Variants in SLC2A9 observed in about 807,000 individuals in gnomAD.
SLC2A9 encodes the protein solute carrier family 2 member 9.
A neutral mutation model predicts 50.6 loss-of-function variants in SLC2A9; 39 were observed. That is an observed-to-expected ratio of 0.77 (90% CI 0.60 to 1.01). SLC2A9 has a LOEUF of 1.01. SLC2A9 is among the 50% of genes least tolerant of loss of function. The pLI is 0.00. For synonymous variants in SLC2A9, 324 were observed against 276.9 expected (o/e 1.17, Z -1.69); for missense variants, 686 against 677.6 (o/e 1.01, Z -0.14).
chr4:9,818,361 A>G (rs1373241584), intron 3 of SLC2A9, among the ~76,000 whole-genome samples: 2 of 152,238 alleles, frequency 1.3e-5, no homozygotes, highest in African/African-American at 4.8e-5. Context: ...GTATTGTCGA[A>G]GAAAAATTTC....
chr4:9,841,428 CT>C (rs760725904), intron 10 of SLC2A9, among the ~76,000 whole-genome samples: 2 of 152,084 alleles, frequency 1.3e-5, no homozygotes, highest in Non-Finnish European at 2.9e-5. Flanking sequence ...GGCTCTTTCC[CT>C]GTGCATTGTC....
At chr4:9,878,082 T>C (rs572990596) in intron 10 of SLC2A9, among the ~76,000 whole-genome samples, 90 of 152,238 alleles carry the variant, frequency 5.9e-4, no homozygotes, top group Non-Finnish European at 9.6e-4. Context: ...AGACACTGTC[T>C]TGCTCATCCT....
intron 6 of SLC2A9, among the ~76,000 whole-genome samples, chr4:9,922,137 A>C (rs1233570149): frequency 6.6e-6 from 1 of 152,102 alleles, no homozygotes; most frequent in Non-Finnish European, 1.5e-5. Flanking sequence ...CATTTTCTTT[A>C]TCCAGTCTAT....
intron 3 of SLC2A9, among the ~76,000 whole-genome samples, chr4:9,790,322 C>A (rs912161084): frequency 1.3e-4 from 20 of 152,306 alleles, no homozygotes; most frequent in African/African-American, 4.8e-4. Context: ...CTTCCAATGG[C>A]CCTTTCCAAT....
intron 2 of SLC2A9, chr4:10,009,480 A>G (rs1761388863): frequency 6.6e-6 from 1 of 152,226 alleles, no homozygotes; most frequent in South Asian, 2.1e-4. Flanking sequence ...GCCTTTAGGG[A>G]AGGAGCAGAC....
At chr4:10,035,284 G>A (rs1764063419) in intron 1 of SLC2A9, 1 of 152,176 alleles carries the variant, frequency 6.6e-6, no homozygotes, top group South Asian at 2.1e-4. Flanking sequence ...CAACAGAAGT[G>A]GAGCGAAGTC....
chr4:9,824,588 C>T (rs2109064827), downstream of SLC2A9, among the ~76,000 whole-genome samples: 1 of 152,270 alleles, frequency 6.6e-6, no homozygotes, highest in East Asian at 1.9e-4. Context: ...CTATAAAGTA[C>T]AGTACTGATG....
chr4:9,851,486 T>C (rs1729913652), intron 10 of SLC2A9, among the ~76,000 whole-genome samples: 1 of 152,150 alleles, frequency 6.6e-6, no homozygotes, highest in African/African-American at 2.4e-5. Flanking sequence ...AAAGAACCAG[T>C]GCAAGAACTC....
At chr4:9,999,885 T>C (rs1044871987) in intron 2 of SLC2A9, among the ~76,000 whole-genome samples, 14 of 152,086 alleles carry the variant, frequency 9.2e-5, no homozygotes, top group Admixed American at 7.9e-4. Flanking sequence ...GCAATGGAAA[T>C]GGACAGAAGT....
intron 10 of SLC2A9, among the ~76,000 whole-genome samples, chr4:9,851,454 A>T (rs1729907052): frequency 6.6e-6 from 1 of 152,214 alleles, no homozygotes; most frequent in Non-Finnish European, 1.5e-5. Flanking sequence ...AGATTGTAGG[A>T]TCATCAGTCA....
chr4:9,974,534 A>T (rs1348448496), intron 5 of SLC2A9, among the ~76,000 whole-genome samples: 1 of 150,824 alleles, frequency 6.6e-6, no homozygotes, highest in East Asian at 2.0e-4. Context: ...AAAAAAAACT[A>T]GGAAATAATT....
At chr4:9,836,088 C>CAAAAAAA (rs35303241) in intron 10 of SLC2A9, among the ~76,000 whole-genome samples, 89 of 47,722 alleles carry the variant, frequency 1.9e-3, no homozygotes, top group East Asian at 5.8e-3. Flanking sequence ...AACTCCCTCT[C>CAAAAAAA]AAAAAAAAAA....
intron 4 of SLC2A9, 126 bp downstream of exon 4, chr4:9,985,543 T>C: frequency 7.7e-7 from 1 of 1,306,318 alleles, no homozygotes; most frequent in South Asian, 1.3e-5. Context: ...TCCAGCATCC[T>C]TGGTCCCTGC....
chr4:9,960,747 TGA>T (rs1277017064), intron 5 of SLC2A9, among the ~76,000 whole-genome samples: 1 of 152,148 alleles, frequency 6.6e-6, no homozygotes, highest in Non-Finnish European at 1.5e-5. Flanking sequence ...AGAGGGGTGA[TGA>T]GAGAGGTGAT....
intron 10 of SLC2A9, among the ~76,000 whole-genome samples, chr4:9,871,230 T>C (rs1358134811): frequency 6.6e-5 from 10 of 152,320 alleles, no homozygotes; most frequent in Non-Finnish European, 1.0e-4. Context: ...AAAGCCCTGG[T>C]ACCCTGCATC....
chr4:10,001,885 A>G (rs1324275455), intron 2 of SLC2A9, among the ~76,000 whole-genome samples: 2 of 152,250 alleles, frequency 1.3e-5, no homozygotes, highest in African/African-American at 4.8e-5. Flanking sequence ...AACAAAGGAC[A>G]CATAACTACA....
intron 2 of SLC2A9, among the ~76,000 whole-genome samples, chr4:10,005,648 C>T (rs980759635): frequency 6.6e-6 from 1 of 152,190 alleles, no homozygotes; most frequent in African/African-American, 2.4e-5. Flanking sequence ...CTAGTACTAA[C>T]TACAGCCTAA....
At chr4:9,782,639 G>T (rs780118849) in intron 3 of SLC2A9, 10 of 1,614,026 alleles carry the variant, frequency 6.2e-6, no homozygotes, top group Non-Finnish European at 5.9e-6. Context: ...GACGCCCTGG[G>T]AGGAGGACTT....
intron 11 of SLC2A9, among the ~76,000 whole-genome samples, chr4:9,833,534 G>A (rs1252501656): frequency 6.6e-6 from 1 of 152,098 alleles, no homozygotes; most frequent in Non-Finnish European, 1.5e-5. Context: ...AGGGTGATGT[G>A]GGCACAGAAA....
Sources: gnomAD v4.1 joint callset for allele counts (sites outside exome capture counted in the v4.1 genomes callset) on GRCh38, gnomAD v4.1.1 for gene constraint, MANE v1.5 for transcripts, NCBI Gene and HGNC (gene_info 2026-07-23, HGNC 2026-07-21) for gene names.